The following PRKAR1A variants were observed in gnomAD, a reference collection of about 807,000 sequenced individuals.
PRKAR1A encodes the protein cAMP-dependent protein kinase type I-alpha regulatory subunit.
Under a neutral mutation model 52.0 loss-of-function variants are expected in PRKAR1A, and 3 were observed. That is an observed-to-expected ratio of 0.06 (90% confidence interval 0.03 to 0.15). The LOEUF (loss-of-function observed/expected upper bound fraction) is 0.15. PRKAR1A is among the 10% of genes least tolerant of loss of function. The pLI is 1.00. For missense variants in PRKAR1A, 240 were observed against 477.4 expected (o/e 0.50, Z 4.63); for synonymous variants, 188 against 168.4 (o/e 1.12, Z -0.90).
the PRKAR1A span, among the ~76,000 whole-genome samples, chr17:68,450,245 A>G: frequency 6.6e-6 from 1 of 152,198 alleles, no homozygotes; most frequent in African/African-American, 2.4e-5. Flanking sequence ...CTTCCAGGAG[A>G]GCTGAGGACG....
At chr17:68,490,109 T>G in the PRKAR1A span, among the ~76,000 whole-genome samples, 1 of 152,196 alleles carries the variant, frequency 6.6e-6, no homozygotes, top group African/African-American at 2.4e-5. Flanking sequence ...CCTTGGCTTG[T>G]CTTGTTGATG....
chr17:68,537,725 G>C, downstream of PRKAR1A: 3 of 1,612,226 alleles, frequency 1.9e-6, no homozygotes, highest in Non-Finnish European at 2.5e-6. This position sits in a 1 kb window ranked among gnomAD's most constrained non-coding sequence, Gnocchi z 4.2. Flanking sequence ...AGGTGCAAAA[G>C]TGTTTTCTTT....
At chr17:68,535,097 G>A (rs189806528), downstream of PRKAR1A, 14 of 362,278 alleles carry the variant, frequency 3.9e-5, no homozygotes, top group African/African-American at 2.6e-4. Flanking sequence ...TTTGCTGTCA[G>A]TAGTAACTTG....
rs543538141 is a variant in PRKAR1A, at chr17:68,542,309, T to G, written c.974-8775T>G. On this transcript the variant is annotated intron_variant, in intron 11 of 11. Coordinates refer to the PRKAR1A transcript ENST00000585981. ...GAAAGAAGAAGAAGGAAACATTGAC[T>G]TTTCCAGAAGTGAGGGTGTGAATGC... 27 of 963,278 alleles carry G rather than the reference T, an allele frequency of 2.8e-5. No homozygotes were observed. In the African/African-American group the frequency reaches 3.9e-4, roughly 14 times the overall value. 59.7% of individuals were successfully genotyped at this position (963,278 alleles called of 1,614,324 possible).
the PRKAR1A span, among the ~76,000 whole-genome samples, chr17:68,416,694 T>C: frequency 1.4e-4 from 22 of 152,326 alleles, no homozygotes; most frequent in Non-Finnish European, 2.1e-4. Context: ...CTTTGTTGGA[T>C]TGGGTTAAGT....
chr17:68,525,232 G>A (rs1014717767), intron 6 of PRKAR1A, among the ~76,000 whole-genome samples: 1 of 151,210 alleles, frequency 6.6e-6, no homozygotes, highest in Non-Finnish European at 1.5e-5. Flanking sequence ...GGAGGCAAGA[G>A]GGTTGCTTGA....
chr17:68,510,363 A>G (rs1221359941), upstream of PRKAR1A, among the ~76,000 whole-genome samples: 1 of 152,196 alleles, frequency 6.6e-6, no homozygotes, highest in African/African-American at 2.4e-5. Context: ...TAAATTAATT[A>G]TGTGTAAAGC....
chr17:68,545,529 T>A (rs2907375), intron 11 of PRKAR1A, among the ~76,000 whole-genome samples: 38,879 of 152,210 alleles, frequency 0.26, 5,651 homozygotes, highest in East Asian at 0.55. Context: ...GCTAACACTC[T>A]TCTGAGCCTT....
At chr17:68,540,664 T>C (rs2086245584) in intron 11 of PRKAR1A, 1 of 762,210 alleles carries the variant, frequency 1.3e-6, no homozygotes, top group African/African-American at 1.7e-5. Context: ...TTCTTCCAGT[T>C]CTTTGAAGAG....
chr17:68,543,114 G>A (rs2086383529), intron 11 of PRKAR1A, among the ~76,000 whole-genome samples: 1 of 152,152 alleles, frequency 6.6e-6, no homozygotes, highest in Non-Finnish European at 1.5e-5. Flanking sequence ...GTTCCTGTGA[G>A]TCACCTGGCA....
At chr17:68,516,982 A>C (rs1301041077) in intron 2 of PRKAR1A, among the ~76,000 whole-genome samples, 1 of 152,224 alleles carries the variant, frequency 6.6e-6, no homozygotes, top group African/African-American at 2.4e-5. Context: ...AGTTGGTGAG[A>C]CATTAAGTGT....
the PRKAR1A span, among the ~76,000 whole-genome samples, chr17:68,489,235 G>GTA: frequency 0.021 from 209 of 10,082 alleles, 19 homozygotes; most frequent in South Asian, 0.029. Flanking sequence ...TATATGGAAA[G>GTA]TATATATATA....
chr17:68,433,342 A>C, the PRKAR1A span: 6 of 898,148 alleles, frequency 6.7e-6, no homozygotes, highest in African/African-American at 5.0e-5. Context: ...TCCATCACTT[A>C]GGTGAAGTCC....
the PRKAR1A span, among the ~76,000 whole-genome samples, chr17:68,461,571 T>A: frequency 1.3e-5 from 2 of 152,234 alleles, no homozygotes; most frequent in African/African-American, 4.8e-5. The surrounding 1 kb of genome is among the most constrained non-coding windows in gnomAD (Gnocchi z 4.6). Flanking sequence ...TTCTTCTTTT[T>A]ATAAAGTCCA....
the PRKAR1A span, among the ~76,000 whole-genome samples, chr17:68,427,996 TC>T: frequency 6.6e-6 from 1 of 152,066 alleles, no homozygotes; most frequent in South Asian, 2.1e-4. Context: ...GCTCAGGTGA[TC>T]CCCCCACCTC....
Position 68,531,956 on chromosome 17 carries a change from C to G in PRKAR1A, c.*1507C>G, listed in dbSNP as rs2085987431. The G allele has an allele frequency of 1.9e-6, 2 of 1,066,012 alleles. No individual in the cohort carries two copies. Among genetic ancestry groups the G allele is most frequent in the Non-Finnish European group, 2.3e-6 (2 of 879,514 alleles). The allele number at this position is 1,066,012 out of a possible 1,614,324, so 66.0% of individuals were successfully genotyped here. A position where few individuals can be genotyped will look rare whatever the true frequency, so the allele number is the denominator to read the frequency against. The stretch of plus-strand genomic sequence containing the variant: ...TCCATCTGTGTGCAACTAACTGACT[C>G]TGTTATTGATCCCTTCTCCTGCCCT... On this transcript the variant is annotated 3_prime_UTR_variant, in exon 11 of 11. Transcript: ENST00000589228.
chr17:68,450,982 G>A, the PRKAR1A span: 2 of 1,506,166 alleles, frequency 1.3e-6, no homozygotes, highest in Admixed American at 4.7e-5. Context: ...GCCCGGCGCA[G>A]GCCAGGTTCC....
the PRKAR1A span, chr17:68,428,240 T>TA: frequency 6.6e-6 from 1 of 151,718 alleles, no homozygotes; most frequent in Non-Finnish European, 1.5e-5. Context: ...TTTTTTTTTT[T>TA]TTTATTTTGA....
At chr17:68,485,515 G>A in the PRKAR1A span, among the ~76,000 whole-genome samples, 1,130 of 152,236 alleles carry the variant, frequency 7.4e-3, 13 homozygotes, top group African/African-American at 0.026. Flanking sequence ...TTTGGAAATA[G>A]GACCTTTGAA....
Sources: allele counts gnomAD v4.1 joint callset (sites outside exome capture counted in the v4.1 genomes callset), GRCh38; gene constraint gnomAD v4.1.1; non-coding constraint Gnocchi (gnomAD v3.1); transcripts MANE v1.5; gene names NCBI Gene and HGNC (gene_info 2026-07-23, HGNC 2026-07-21).